DSCAM: variants seen among roughly 807,000 people sequenced by gnomAD.
DSCAM encodes the protein cell adhesion molecule DSCAM.
A neutral mutation model predicts 217.7 loss-of-function variants in DSCAM; 47 were observed. That is an observed-to-expected ratio of 0.22 (90% CI 0.17 to 0.28). The LOEUF (loss-of-function observed/expected upper bound fraction) is 0.28, where lower values mean the gene tolerates loss of function less well. Among genes scored for constraint, DSCAM ranks in the 10% least tolerant of loss-of-function variants. The pLI, the probability that DSCAM is intolerant of heterozygous loss-of-function variation, is 1.00. For missense variants in DSCAM, 2,080 were observed against 2,618.3 expected, an observed-to-expected ratio of 0.79 and a Z score of 4.49; for synonymous variants, 1,056 against 1,015.3, an observed-to-expected ratio of 1.04 and a Z score of -0.76.
intron 1 of DSCAM, among the ~76,000 whole-genome samples, chr21:40,784,644 C>A (rs181544568): frequency 3.3e-5 from 5 of 152,238 alleles, no homozygotes; most frequent in East Asian, 1.9e-4. Flanking sequence ...AGAGATGGAG[C>A]CTTTGGGAGG....
At chr21:40,336,210 G>A (rs959269475) in intron 8 of DSCAM, among the ~76,000 whole-genome samples, 1 of 152,064 alleles carries the variant, frequency 6.6e-6, no homozygotes, top group Non-Finnish European at 1.5e-5. Context: ...TTTCTTCATG[G>A]AATTCCATTT....
chr21:40,301,126 G>A (rs2074010202), intron 9 of DSCAM, among the ~76,000 whole-genome samples: 2 of 152,152 alleles, frequency 1.3e-5, no homozygotes, highest in East Asian at 1.9e-4. Flanking sequence ...CCTAGGACAA[G>A]GCCCATATTG....
At chr21:40,353,848 C>A (rs988285993) in intron 4 of DSCAM, 105 bp from the exon 5 acceptor site, 103 of 989,174 alleles carry the variant, frequency 1.0e-4, no homozygotes, top group Non-Finnish European at 1.4e-4. Context: ...ATCATACCAA[C>A]TATTGATACA....
At chr21:40,615,178 C>G (rs2089372354) in intron 3 of DSCAM, among the ~76,000 whole-genome samples, 2 of 151,062 alleles carry the variant, frequency 1.3e-5, no homozygotes, top group South Asian at 4.2e-4. Context: ...GTGGCACACA[C>G]CTGTAAACCC....
At chr21:40,178,456 T>C (rs1425342480) in intron 15 of DSCAM, among the ~76,000 whole-genome samples, 7 of 152,196 alleles carry the variant, frequency 4.6e-5, no homozygotes, top group Non-Finnish European at 8.8e-5. Flanking sequence ...TAAATATTGA[T>C]GTTTCTAGTC....
At chr21:40,786,269 GGAAA>G (rs1285135393) in intron 1 of DSCAM, among the ~76,000 whole-genome samples, 1 of 95,934 alleles carries the variant, frequency 1.0e-5, no homozygotes, top group East Asian at 2.7e-4. Flanking sequence ...AAGGAAGGAA[GGAAA>G]GAAAGAAAAA....
At chr21:40,365,778 G>C (rs542428262) in intron 4 of DSCAM, among the ~76,000 whole-genome samples, 1 of 152,038 alleles carries the variant, frequency 6.6e-6, no homozygotes, top group Non-Finnish European at 1.5e-5. Context: ...GGTCCTGTAA[G>C]TTTTCACTCT....
chr21:40,217,195 T>A (rs1391697437), intron 11 of DSCAM, among the ~76,000 whole-genome samples: 1 of 152,188 alleles, frequency 6.6e-6, no homozygotes, highest in Non-Finnish European at 1.5e-5. Context: ...CTTGATTATA[T>A]TTTTCTGATT....
In DSCAM at chr21:40,093,777, G is replaced by C. The variant is rs750476986; in HGVS notation, c.3794C>G (p.Thr1265Ser). The part of the protein sequence containing the change: ...RQYSVWVVAV[T>S]SAGRGNSSEI... ...ACTGCTGTTGCCTCTTCCGGCTGAA[G>C]TAACAGCCACCACCCAGACGCTGTA... The change falls in exon 21 of 33, where the codon ACT becomes AGT. Residue 1265 changes from threonine (T) to serine (S), a missense_variant. Physicochemically the swap from Thr to Ser is moderately conservative, Grantham distance 58. This residue lies in a region of DSCAM where 1,144 missense variants were observed against 1,421.1 expected (regional missense o/e 0.81). Coordinates refer to ENST00000400454, the MANE Select transcript of DSCAM (RefSeq NM_001389.5). 6.2e-7 allele frequency: 1 copy of C among 1,614,030 alleles called. No homozygotes were observed. The highest frequency in any genetic ancestry group is 8.5e-7 in the Non-Finnish European group (1 of 1,179,992).
intron 3 of DSCAM, among the ~76,000 whole-genome samples, chr21:40,498,729 G>A (rs375586951): frequency 1.5e-3 from 20 of 13,732 alleles, no homozygotes; most frequent in South Asian, 3.6e-3. Flanking sequence ...ATATATATGG[G>A]TGTGTGTATA....
intron 9 of DSCAM, among the ~76,000 whole-genome samples, chr21:40,309,435 T>A (rs1271260000): frequency 6.6e-6 from 1 of 152,156 alleles, no homozygotes; most frequent in African/African-American, 2.4e-5. Context: ...AGTGCCACAG[T>A]CCACTGGATT....
chr21:40,588,565 T>C (rs2076962636), intron 3 of DSCAM, among the ~76,000 whole-genome samples: 1 of 152,192 alleles, frequency 6.6e-6, no homozygotes, highest in Non-Finnish European at 1.5e-5. Flanking sequence ...ATGGAGGCTG[T>C]TTACTTTTGT....
chr21:40,806,716 C>T (rs1381494076), intron 1 of DSCAM, among the ~76,000 whole-genome samples: 17 of 152,148 alleles, frequency 1.1e-4, no homozygotes, highest in Admixed American at 1.1e-3. Context: ...AACCCAAATG[C>T]CCATCAGTGA....
intron 6 of DSCAM, among the ~76,000 whole-genome samples, chr21:40,341,849 A>T (rs1054841736): frequency 1.3e-5 from 2 of 152,156 alleles, no homozygotes. Context: ...TTTTTTCCAG[A>T]GCAGTCCGTA....
chr21:40,834,363 C>T (rs60791510), intron 1 of DSCAM, among the ~76,000 whole-genome samples: 17,618 of 149,716 alleles, frequency 0.12, 1,087 homozygotes, highest in Admixed American at 0.16. Context: ...GCAGAGATCA[C>T]GCCACTGCAC....
At chr21:40,099,816 T>C (rs1293250720) in intron 20 of DSCAM, among the ~76,000 whole-genome samples, 1 of 152,182 alleles carries the variant, frequency 6.6e-6, no homozygotes, top group Non-Finnish European at 1.5e-5. Flanking sequence ...ATAAGGATTT[T>C]CTGTTGAGAG....
At chr21:40,813,125 T>C (rs1283929860) in intron 1 of DSCAM, among the ~76,000 whole-genome samples, 1 of 152,174 alleles carries the variant, frequency 6.6e-6, no homozygotes, top group African/African-American at 2.4e-5. Context: ...CTCATGCGCA[T>C]AAAAGTGCAG....
chr21:40,723,140 T>G (rs1202517297), intron 1 of DSCAM, among the ~76,000 whole-genome samples: 1 of 151,946 alleles, frequency 6.6e-6, no homozygotes, highest in Non-Finnish European at 1.5e-5. Context: ...GTAACAGTGT[T>G]TTTTGTTGAG....
intron 3 of DSCAM, among the ~76,000 whole-genome samples, chr21:40,507,396 C>T (rs769508136): frequency 4.6e-5 from 7 of 152,138 alleles, no homozygotes; most frequent in East Asian, 1.9e-4. Flanking sequence ...ATTTGTCTTA[C>T]GGGTAAAAAA....
Sources: allele counts gnomAD v4.1 joint callset (sites outside exome capture counted in the v4.1 genomes callset), GRCh38; gene constraint gnomAD v4.1.1; regional missense constraint gnomAD v4.1.1; transcripts MANE v1.5; gene names NCBI Gene and HGNC (gene_info 2026-07-23, HGNC 2026-07-21).